AKAP6: variants seen among roughly 807,000 people sequenced by gnomAD.
The protein encoded by AKAP6 is A-kinase anchor protein 6.
In AKAP6, 58 loss-of-function variants were observed where a neutral mutation model predicts 188.5. The observed-to-expected ratio is 0.31, with a 90% confidence interval of 0.25 to 0.38. The LOEUF (loss-of-function observed/expected upper bound fraction) is 0.38. Ranked by LOEUF, AKAP6 falls within the 10% of genes least tolerant of loss-of-function variation. AKAP6 has a pLI of 1.00. For missense variants in AKAP6, 2,710 were observed against 2,740.0 expected (o/e 0.99, Z 0.24); for synonymous variants, 989 against 998.6 (o/e 0.99, Z 0.18).
At chr14:32,685,058 C>T (rs944129662) in intron 8 of AKAP6, among the ~76,000 whole-genome samples, 9 of 150,722 alleles carry the variant, frequency 6.0e-5, no homozygotes, top group African/African-American at 2.2e-4. Flanking sequence ...GAGTTCAAGA[C>T]CAGCCTTGGT....
intron 12 of AKAP6, among the ~76,000 whole-genome samples, chr14:32,788,611 A>ACC (rs141732074): frequency 2.2e-4 from 34 of 151,866 alleles, no homozygotes; most frequent in East Asian, 7.8e-4. Context: ...TGAGCGTGCA[A>ACC]CCCCCCCCAG....
intron 2 of AKAP6, among the ~76,000 whole-genome samples, chr14:32,517,652 C>T (rs143862413): frequency 0.014 from 2,130 of 152,302 alleles, 51 homozygotes; most frequent in African/African-American, 0.049. Flanking sequence ...GGGGGAGGGG[C>T]GTCCACCATT....
At chr14:32,417,695 A>C (rs1403129350) in intron 1 of AKAP6, 1 of 151,808 alleles carries the variant, frequency 6.6e-6, no homozygotes, top group African/African-American at 2.4e-5. Context: ...TATAAATCTA[A>C]GTTTTTCTTT....
At chr14:32,540,132 C>A (rs1882857728) in intron 3 of AKAP6, among the ~76,000 whole-genome samples, 1 of 44,130 alleles carries the variant, frequency 2.3e-5, no homozygotes, top group Non-Finnish European at 3.6e-5. Context: ...TGCTCGTGCG[C>A]TCTCTCTCTC....
chr14:32,758,001 A>G (rs2032402546), intron 11 of AKAP6, among the ~76,000 whole-genome samples: 1 of 152,202 alleles, frequency 6.6e-6, no homozygotes, highest in African/African-American at 2.4e-5. Flanking sequence ...AATATTATTC[A>G]AATATGTGTA....
At chr14:32,703,509 C>T (rs565551914) in intron 9 of AKAP6, among the ~76,000 whole-genome samples, 11 of 152,268 alleles carry the variant, frequency 7.2e-5, no homozygotes, top group South Asian at 2.1e-4. Flanking sequence ...AACAATTTGA[C>T]GACTTGGCAA....
chr14:32,429,270 A>G (rs1890138340), intron 1 of AKAP6, among the ~76,000 whole-genome samples: 1 of 152,218 alleles, frequency 6.6e-6, no homozygotes, highest in South Asian at 2.1e-4. Context: ...CAAGAATTCA[A>G]ATCTTATATT....
intron 5 of AKAP6, among the ~76,000 whole-genome samples, chr14:32,581,961 G>A (rs1884990259): frequency 1.3e-5 from 2 of 152,128 alleles, no homozygotes; most frequent in African/African-American, 4.8e-5. Context: ...TTGCCAGTCT[G>A]TGTCTTTTAA....
chr14:32,735,218 T>C (rs1024264566), intron 10 of AKAP6, among the ~76,000 whole-genome samples: 5 of 152,186 alleles, frequency 3.3e-5, no homozygotes, highest in Non-Finnish European at 2.9e-5. Flanking sequence ...TCTTGGCCTC[T>C]TTAGTATATT....
In AKAP6 at chr14:32,553,451, C is replaced by T. The variant is rs541938690; in HGVS notation, c.2346+6452C>T. 7.2e-5 allele frequency among the ~76,000 whole-genome samples: 11 copies of T among 152,188 alleles called. No homozygotes were observed. In the South Asian group the frequency reaches 1.7e-3, roughly 23 times the overall value. Reference sequence around the variant, plus strand: ...CCTCCCGAAGTGCTGTGATTACAGGCGTGAGCCACCGCGCCTGGCCAAGAT... The same window carrying T: ...CCTCCCGAAGTGCTGTGATTACAGGTGTGAGCCACCGCGCCTGGCCAAGAT... On this transcript the variant is annotated intron_variant, in intron 4 of 13. Coordinates refer to ENST00000280979, the MANE Select transcript of AKAP6 (RefSeq NM_004274.5).
At chr14:32,534,624 A>G (rs1197812866) in intron 2 of AKAP6, among the ~76,000 whole-genome samples, 2 of 152,108 alleles carry the variant, frequency 1.3e-5, no homozygotes, top group Non-Finnish European at 2.9e-5. Flanking sequence ...GCTTTGTTTC[A>G]TAAGAGTGAT....
chr14:32,710,236 T>C (rs1476936542), intron 9 of AKAP6, among the ~76,000 whole-genome samples: 1 of 151,610 alleles, frequency 6.6e-6, no homozygotes, highest in Non-Finnish European at 1.5e-5. Flanking sequence ...GGGACAGAGC[T>C]ACTTCTTCTC....
chr14:32,689,993 C>T (rs1890102369), intron 8 of AKAP6, among the ~76,000 whole-genome samples: 1 of 151,392 alleles, frequency 6.6e-6, no homozygotes, highest in Admixed American at 6.6e-5. Flanking sequence ...GGTGGTATTT[C>T]AGGAACCAGT....
At chr14:32,701,119 T>C (rs920372380) in intron 9 of AKAP6, among the ~76,000 whole-genome samples, 3 of 152,154 alleles carry the variant, frequency 2.0e-5, no homozygotes, top group Non-Finnish European at 2.9e-5. Flanking sequence ...TATAATACAA[T>C]GGCTACTAAA....
chr14:32,493,433 A>G (rs532137792), intron 2 of AKAP6, among the ~76,000 whole-genome samples: 20 of 151,706 alleles, frequency 1.3e-4, no homozygotes, highest in Admixed American at 1.2e-3. Flanking sequence ...GTGGTTTTGT[A>G]CTCCAGGGCT....
intron 7 of AKAP6, among the ~76,000 whole-genome samples, chr14:32,641,469 TAAA>T (rs35618540): frequency 2.0e-3 from 235 of 119,838 alleles, no homozygotes; most frequent in African/African-American, 5.6e-3. Flanking sequence ...GAAACCCTGC[TAAA>T]AAAAAAAAAA....
chr14:32,722,803 T>C (rs1240875031), intron 9 of AKAP6, among the ~76,000 whole-genome samples: 4 of 152,174 alleles, frequency 2.6e-5, no homozygotes, highest in Non-Finnish European at 5.9e-5. Context: ...TTTCCATCCA[T>C]TTGTGTGACC....
chr14:32,510,356 A>ATATATATATATGTGTATATATATGTG (rs1566546235), intron 2 of AKAP6, among the ~76,000 whole-genome samples: 28 of 56,942 alleles, frequency 4.9e-4, no homozygotes, highest in Admixed American at 2.7e-3. Flanking sequence ...ATATGGATAC[A>ATATATATATATGTGTATATATATGTG]TATATATATG....
intron 11 of AKAP6, among the ~76,000 whole-genome samples, chr14:32,740,528 C>A (rs768812996): frequency 3.3e-5 from 5 of 151,990 alleles, no homozygotes; most frequent in African/African-American, 4.8e-5. Flanking sequence ...AGTCCTTAAT[C>A]CATTTTTATT....
Sources: gnomAD v4.1 joint callset for allele counts (sites outside exome capture counted in the v4.1 genomes callset) on GRCh38, gnomAD v4.1.1 for gene constraint, MANE v1.5 for transcripts, NCBI Gene and HGNC (gene_info 2026-07-23, HGNC 2026-07-21) for gene names.